The following IQCH variants were observed in gnomAD, a reference collection of about 807,000 sequenced individuals.
IQCH encodes the protein IQ motif containing H.
Under a neutral mutation model 117.0 loss-of-function variants are expected in IQCH, and 98 were observed. The ratio of observed to expected loss-of-function variants is 0.84; its 90% confidence interval spans 0.71 to 0.99. The LOEUF (loss-of-function observed/expected upper bound fraction) is 0.99. IQCH is among the 50% of genes least tolerant of loss of function. IQCH has a pLI of 0.00. For missense variants in IQCH, 1,102 were observed against 1,243.8 expected (o/e 0.89, Z 1.72); for synonymous variants, 412 against 448.2 (o/e 0.92, Z 1.02).
At position 67,359,826 on chromosome 15, in the gene IQCH, G is replaced by C. The variant is rs1356314278; in HGVS notation, c.715-21G>C. ...CATGAGAGTCGTTTTGATTTAAACT[G>C]TGTCTCATTCTTCATTGTAGGGGAA... On this transcript the variant is annotated intron_variant, in intron 7 of 20. Transcript: ENST00000335894. The surrounding 1 kb of genome is among the most constrained non-coding windows in gnomAD (Gnocchi z 4.5). 3.9e-6 allele frequency: 6 copies of C among 1,532,420 alleles called. No homozygotes were observed. The highest frequency in any genetic ancestry group is 5.4e-6 in the Non-Finnish European group (6 of 1,110,562). 94.9% of individuals were successfully genotyped at this position (1,532,420 alleles called of 1,614,324 possible).
intron 4 of IQCH, among the ~76,000 whole-genome samples, chr15:67,310,664 T>C (rs1373227313): frequency 6.6e-6 from 1 of 152,152 alleles, no homozygotes; most frequent in African/African-American, 2.4e-5. Context: ...CATCACAGAT[T>C]GTTTCACTGC....
chr15:67,480,381 C>CT (rs1201781450), intron 18 of IQCH, among the ~76,000 whole-genome samples: 3 of 152,132 alleles, frequency 2.0e-5, no homozygotes, highest in African/African-American at 7.2e-5. Context: ...TTGCCATATC[C>CT]TTTTTCCTGC....
At chr15:67,259,832 ATATCTT>A (rs1328009466) in intron 1 of IQCH, among the ~76,000 whole-genome samples, 4 of 152,352 alleles carry the variant, frequency 2.6e-5, no homozygotes, top group East Asian at 1.9e-4. Flanking sequence ...AGAAAGAAGT[ATATCTT>A]TATCTTTAGT....
Position 67,466,482 on chromosome 15 carries a change from T to G in IQCH, c.2676+1185T>G, listed in dbSNP as rs60661860. ...TGATTAATGGGACCCAACATGAGTG[T>G]CCCAGAGATACCTTTTCCAAGCGGT... On this transcript the variant is annotated intron_variant, in intron 17 of 20. Transcript: ENST00000335894. The surrounding 1 kb of genome is among the most constrained non-coding windows in gnomAD (Gnocchi z 4.4). The G allele has an allele frequency of 0.13, 19,352 of 152,206 alleles. 1,328 individuals carry two copies. The highest frequency in any genetic ancestry group is 0.2 in the East Asian group (1,046 of 5,172). The allele number at this position is 152,206 out of a possible 1,614,324, so 9.4% of individuals were successfully genotyped here.
At chr15:67,471,509 G>A (rs560820260) in intron 17 of IQCH, among the ~76,000 whole-genome samples, 3 of 145,120 alleles carry the variant, frequency 2.1e-5, no homozygotes, top group Non-Finnish European at 4.6e-5. Context: ...AGGAAACTGA[G>A]GCTAAGCAAA....
At chr15:67,300,069 A>C (rs571146864) in intron 4 of IQCH, among the ~76,000 whole-genome samples, 3 of 152,228 alleles carry the variant, frequency 2.0e-5, no homozygotes, top group Admixed American at 6.5e-5. Flanking sequence ...TTTAGCCTCT[A>C]TGAGGAAGTT....
At chr15:67,371,900 G>C (rs1002474886) in intron 8 of IQCH, among the ~76,000 whole-genome samples, 27 of 152,090 alleles carry the variant, frequency 1.8e-4, no homozygotes, top group African/African-American at 6.0e-4. Flanking sequence ...TAATAGATTT[G>C]AGTGATCTCT....
intron 13 of IQCH, among the ~76,000 whole-genome samples, chr15:67,398,808 A>G (rs770791748): frequency 3.3e-5 from 5 of 152,160 alleles, no homozygotes; most frequent in African/African-American, 7.2e-5. Flanking sequence ...CCGTACAGAA[A>G]ACCATAGCCA....
rs759333103 is a variant in IQCH at position 67,461,118 on chromosome 15, G to A, written c.2506-4009G>A. Among the ~76,000 whole-genome samples the A allele has an allele frequency of 1.4e-4, 21 of 152,190 alleles. 1 individual carries two copies. Among genetic ancestry groups the A allele is most frequent in the Admixed American group, 4.6e-4 (7 of 15,284 alleles). ...TGGGCTGGGCTCAGTGCTCATGCCT[G>A]TAATCCCAGCACTTTGGGAGGTCGA... On this transcript the variant is annotated intron_variant, in intron 16 of 20. Coordinates refer to ENST00000335894, the MANE Select transcript of IQCH (RefSeq NM_001031715.3).
chr15:67,288,046 A>G (rs1274969597), intron 4 of IQCH, among the ~76,000 whole-genome samples: 1 of 152,088 alleles, frequency 6.6e-6, no homozygotes, highest in Non-Finnish European at 1.5e-5. Flanking sequence ...GTATTTATGT[A>G]GTTTCCAAAA....
Position 67,370,453 on chromosome 15 carries a change from C to G in IQCH, c.754-1658C>G, listed in dbSNP as rs1970486481. On this transcript the variant is annotated intron_variant, in intron 8 of 20. Coordinates refer to ENST00000335894, the MANE Select transcript of IQCH (RefSeq NM_001031715.3). This position sits in a 1 kb window ranked among gnomAD's most constrained non-coding sequence, Gnocchi z 5.6. ...TTCTCTGAATTCTAATTCCTAGTAT[C>G]AGAGACCGTTCCTGAAGGGAGGGAG... Among the ~76,000 whole-genome samples, 2 of 152,166 alleles carry G rather than the reference C, an allele frequency of 1.3e-5. No homozygotes were observed. Among genetic ancestry groups the G allele is most frequent in the Non-Finnish European group, 2.9e-5 (2 of 68,024 alleles).
At chr15:67,255,069 C>A in intron 1 of IQCH, 122 bp downstream of exon 1, 1 of 965,474 alleles carries the variant, frequency 1.0e-6, no homozygotes, top group Non-Finnish European at 1.6e-6. Context: ...CCCTCCAACT[C>A]GCGAGAGGCT....
chr15:67,345,456 T>C (rs1216983249), intron 6 of IQCH, among the ~76,000 whole-genome samples: 3 of 152,194 alleles, frequency 2.0e-5, no homozygotes, highest in Non-Finnish European at 4.4e-5. Context: ...AACCCTGCCT[T>C]AACCAAATGA....
At chr15:67,400,549 A>G (rs1314606492) in intron 14 of IQCH, among the ~76,000 whole-genome samples, 1 of 145,870 alleles carries the variant, frequency 6.9e-6, no homozygotes, top group Non-Finnish European at 1.5e-5. Context: ...CAGTGGTACA[A>G]TCAGGGCTCA....
intron 10 of IQCH, among the ~76,000 whole-genome samples, chr15:67,383,940 G>C (rs1239153762): frequency 6.6e-6 from 1 of 152,158 alleles, no homozygotes; most frequent in Non-Finnish European, 1.5e-5. Flanking sequence ...CATTTGGTCT[G>C]AAGCCCCATT....
chr15:67,481,499 G>A lies in IQCH; in HGVS notation c.2799+5681G>A, dbSNP rs950707567. ...TCCCACTGCGTTCCTCCCATGACACGTGGGGATTATGAGAACTACATTAAA... is the reference window on the plus strand; with the variant it reads ...TCCCACTGCGTTCCTCCCATGACACATGGGGATTATGAGAACTACATTAAA... On this transcript the variant is annotated intron_variant, in intron 18 of 20. Coordinates refer to ENST00000335894, the MANE Select transcript of IQCH (RefSeq NM_001031715.3). The surrounding 1 kb of genome is among the most constrained non-coding windows in gnomAD (Gnocchi z 4.1). 3.9e-5 allele frequency among the ~76,000 whole-genome samples: 6 copies of A among 152,106 alleles called. No individual in the cohort carries two copies. The highest frequency in any genetic ancestry group is 2.1e-4 in the South Asian group (1 of 4,824).
rs904248641 is a variant in IQCH at position 67,473,998 on chromosome 15, G to A, written c.2677-1698G>A. Among the ~76,000 whole-genome samples the A allele has an allele frequency of 6.6e-6, 1 of 151,652 alleles. No individual in the cohort carries two copies. The highest frequency in any genetic ancestry group is 1.5e-5 in the Non-Finnish European group (1 of 67,966). On this transcript the variant is annotated intron_variant, in intron 17 of 20. Transcript: ENST00000335894. This position sits in a 1 kb window ranked among gnomAD's most constrained non-coding sequence, Gnocchi z 4.9. ...TTCGGACACAGGACTTGATGTAAATGTTGAAGAAAAACATGCTCCCCCCAT... is the reference window on the plus strand; with the variant it reads ...TTCGGACACAGGACTTGATGTAAATATTGAAGAAAAACATGCTCCCCCCAT...
chr15:67,269,204 A>T (rs1482327795), intron 3 of IQCH, among the ~76,000 whole-genome samples: 1 of 152,170 alleles, frequency 6.6e-6, no homozygotes, highest in South Asian at 2.1e-4. Context: ...CAAATCAAAC[A>T]ATATATTACT....
intron 5 of IQCH, among the ~76,000 whole-genome samples, chr15:67,343,551 A>T (rs1308838957): frequency 3.3e-5 from 5 of 152,240 alleles, no homozygotes; most frequent in African/African-American, 4.8e-5. Flanking sequence ...AAAATAACCT[A>T]TCTGAGCATT....
Sources: gnomAD v4.1 joint callset for allele counts (sites outside exome capture counted in the v4.1 genomes callset) on GRCh38, gnomAD v4.1.1 for gene constraint, Gnocchi (gnomAD v3.1) non-coding constraint, MANE v1.5 for transcripts, NCBI Gene and HGNC (gene_info 2026-07-23, HGNC 2026-07-21) for gene names.